The following RFC1 variants were observed in gnomAD, a reference collection of about 807,000 sequenced individuals.
RFC1 encodes replication factor C subunit 1.
RFC1 carries 37 observed loss-of-function variants against 137.4 expected under a neutral mutation model. The observed-to-expected ratio is 0.27, with a 90% CI of 0.21 to 0.35. The LOEUF (loss-of-function observed/expected upper bound fraction) is 0.35, where lower values mean the gene tolerates loss of function less well. Ranked by LOEUF, RFC1 falls within the 10% of genes least tolerant of loss-of-function variation. RFC1 has a pLI of 1.00. For synonymous variants in RFC1, 429 were observed against 455.7 expected (o/e 0.94, Z 0.75); for missense variants, 1,205 against 1,358.5 (o/e 0.89, Z 1.78).
intron 2 of RFC1, 41 bp from the exon 3 acceptor site, chr4:39,345,517 T>C: frequency 2.0e-6 from 3 of 1,497,098 alleles, no homozygotes; most frequent in Non-Finnish European, 1.8e-6. Flanking sequence ...AAGAAGCCTA[T>C]ATAACTATCT....
intron 22 of RFC1, among the ~76,000 whole-genome samples, chr4:39,294,725 A>T (rs1737887671): frequency 6.6e-6 from 1 of 151,782 alleles, no homozygotes. Context: ...TCCATAGGCC[A>T]GGCATGGCGG....
chr4:39,295,538 C>T, intron 22 of RFC1, 76 bp downstream of exon 22: 2 of 1,207,916 alleles, frequency 1.7e-6, no homozygotes. Context: ...AATCTTTTGA[C>T]TCACATGATC....
intron 10 of RFC1, 132 bp downstream of exon 10, chr4:39,316,783 G>C: frequency 1.7e-6 from 1 of 574,876 alleles, no homozygotes; most frequent in Non-Finnish European, 3.1e-6. Context: ...AATTCTTGAA[G>C]ACAGTAACTG....
chr4:39,345,784 C>G (rs148566507), intron 2 of RFC1, among the ~76,000 whole-genome samples: 2 of 152,254 alleles, frequency 1.3e-5, no homozygotes, highest in East Asian at 1.9e-4. Context: ...CCCCGCCCCC[C>G]AGAAGGCATT....
At chr4:39,290,193 T>A (rs1249182338) in intron 23 of RFC1, among the ~76,000 whole-genome samples, 154 bp from the exon 24 acceptor site, 3 of 152,128 alleles carry the variant, frequency 2.0e-5, no homozygotes, top group Non-Finnish European at 2.9e-5. Flanking sequence ...CATTTTTCTG[T>A]GGATAAGTTC....
chr4:39,353,541 G>A (rs1019765379), intron 1 of RFC1, among the ~76,000 whole-genome samples: 1 of 151,886 alleles, frequency 6.6e-6, no homozygotes. Context: ...GGGTGTCTCA[G>A]CTATGAAACT....
At chr4:39,313,288 CT>C (rs1435427655) in intron 10 of RFC1, among the ~76,000 whole-genome samples, 1 of 152,216 alleles carries the variant, frequency 6.6e-6, no homozygotes, top group African/African-American at 2.4e-5. Context: ...TGCAATCCAT[CT>C]GTAGAAACTC....
chr4:39,353,510 A>G (rs187781229), intron 1 of RFC1, among the ~76,000 whole-genome samples: 145 of 152,240 alleles, frequency 9.5e-4, no homozygotes, highest in African/African-American at 3.3e-3. Flanking sequence ...GTCTAAGTTT[A>G]AAAGATACTG....
At chr4:39,332,723 A>G (rs749981332) in intron 4 of RFC1, among the ~76,000 whole-genome samples, 6 of 152,214 alleles carry the variant, frequency 3.9e-5, no homozygotes, top group Non-Finnish European at 5.9e-5. Flanking sequence ...TTCCACATTC[A>G]GCCTCTGAAG....
chr4:39,299,610 C>CAAAA (rs970461214), intron 21 of RFC1, among the ~76,000 whole-genome samples: 34 of 39,004 alleles, frequency 8.7e-4, no homozygotes, highest in Middle Eastern at 0.013. Flanking sequence ...AACACTGTCT[C>CAAAA]AAAAAAAAAA....
intron 19 of RFC1, among the ~76,000 whole-genome samples, 158 bp from the exon 20 acceptor site, chr4:39,300,572 C>T (rs1456025453): frequency 6.6e-6 from 1 of 152,172 alleles, no homozygotes; most frequent in Non-Finnish European, 1.5e-5. Flanking sequence ...ATTAAACATA[C>T]TCTTACCACG....
chr4:39,351,554 C>A lies in RFC1; in HGVS notation c.4-78G>T, dbSNP rs1409546342. 3.2e-6 allele frequency: 4 copies of A among 1,268,604 alleles called. No homozygotes were observed. In the East Asian group the frequency reaches 1.2e-4, roughly 37 times the overall value. 78.6% of individuals were successfully genotyped at this position (1,268,604 alleles called of 1,614,324 possible). On this transcript the variant is annotated intron_variant, in intron 1 of 24. Coordinates refer to ENST00000349703, the MANE Select transcript of RFC1 (RefSeq NM_002913.5). ...TAACTTCAATTGTAAGATGGGACAGCTTTATGTACACACTGGGTTACCCTG... is the reference window on the plus strand; with the variant it reads ...TAACTTCAATTGTAAGATGGGACAGATTTATGTACACACTGGGTTACCCTG...
chr4:39,308,438 G>A (rs1223865406), intron 13 of RFC1, among the ~76,000 whole-genome samples, 198 bp downstream of exon 13: 2 of 152,084 alleles, frequency 1.3e-5, no homozygotes, highest in African/African-American at 2.4e-5. Flanking sequence ...CTCCCCCACT[G>A]CCTGTGAGCT....
At chr4:39,290,063 T>A in intron 23 of RFC1, 24 bp from the exon 24 acceptor site, 1 of 1,546,950 alleles carries the variant, frequency 6.5e-7, no homozygotes, top group African/African-American at 1.4e-5. Context: ...GTAGATGGAG[T>A]TTTTAAAAAT....
chr4:39,289,824 C>T (rs931828692), intron 24 of RFC1, 24 bp downstream of exon 24: 2 of 1,536,098 alleles, frequency 1.3e-6, no homozygotes, highest in Non-Finnish European at 1.8e-6. Context: ...TTGAGGTTCT[C>T]CTGTCTGTGG....
In RFC1 at chr4:39,326,740, T is replaced by C. The variant is rs566814046; in HGVS notation, c.565-100A>G. On this transcript the variant is annotated intron_variant, in intron 5 of 24. Transcript: ENST00000349703. ...GCTGATTAAATACACCAGTGAGAGA[T>C]AAGTGTATCTATCAGTAACAGCTGC... 22 of 847,280 alleles carry C rather than the reference T, an allele frequency of 2.6e-5. No individual in the cohort carries two copies. The South Asian group carries it at 3.3e-4, about 13-fold the overall frequency. 52.5% of individuals were successfully genotyped at this position (847,280 alleles called of 1,614,324 possible).
chr4:39,300,977 G>A lies in RFC1; in HGVS notation c.2536-563C>T, dbSNP rs531068226. Among the ~76,000 whole-genome samples, 36 of 151,564 alleles carry A rather than the reference G, an allele frequency of 2.4e-4. No individual in the cohort carries two copies. In the East Asian group the frequency reaches 3.3e-3, roughly 14 times the overall value. On this transcript the variant is annotated intron_variant, in intron 19 of 24. Coordinates refer to ENST00000349703, the MANE Select transcript of RFC1 (RefSeq NM_002913.5). ...GTGTGGTGGCAGGTGCCTGTAACCC[G>A]AGCTACTCAGAAGCCTGAGGCAAGA...
At position 39,302,379 on chromosome 4, in the gene RFC1, A is replaced by G; in HGVS notation, c.2437-3T>C. 4 of 1,606,758 alleles carry G rather than the reference A, an allele frequency of 2.5e-6. No homozygotes were observed. The highest frequency in any genetic ancestry group is 1.1e-5 in the South Asian group (1 of 90,930). On this transcript the variant is annotated splice_polypyrimidine_tract_variant and splice_region_variant and intron_variant, in intron 18 of 24. Transcript: ENST00000349703. The stretch of plus-strand genomic sequence containing the variant: ...CACATACTCAGATTATGTAAAACCT[A>G]AAAGAATCACAAATAAGACAACGTC...
intron 4 of RFC1, 130 bp downstream of exon 4, chr4:39,342,215 C>T: frequency 9.3e-7 from 1 of 1,075,574 alleles, no homozygotes; most frequent in African/African-American, 1.6e-5. Flanking sequence ...CCTTCCCTGA[C>T]AAATATAACT....
Sources: gnomAD v4.1 joint callset for allele counts (sites outside exome capture counted in the v4.1 genomes callset) on GRCh38, gnomAD v4.1.1 for gene constraint, MANE v1.5 for transcripts, NCBI Gene and HGNC (gene_info 2026-07-23, HGNC 2026-07-21) for gene names.